ZBTB8B: variants seen among roughly 807,000 people sequenced by gnomAD.
ZBTB8B encodes zinc finger and BTB domain-containing protein 8B.
A neutral mutation model predicts 30.3 loss-of-function variants in ZBTB8B; 17 were observed. The observed-to-expected ratio is 0.56, with a 90% CI of 0.38 to 0.84. The LOEUF (loss-of-function observed/expected upper bound fraction) is 0.84. ZBTB8B is among the 40% of genes least tolerant of loss of function. The probability of loss-of-function intolerance (pLI) is 0.00; values close to 1 mark genes in which losing one functional copy is unlikely to be tolerated. For synonymous variants in ZBTB8B, 248 were observed against 255.6 expected, an observed-to-expected ratio of 0.97 and a Z score of 0.28; for missense variants, 515 against 644.9, an observed-to-expected ratio of 0.80 and a Z score of 2.18.
intron 1 of ZBTB8B, among the ~76,000 whole-genome samples, chr1:32,467,884 G>A (rs1426487846): frequency 6.6e-6 from 1 of 151,916 alleles, no homozygotes; most frequent in Admixed American, 6.6e-5. Flanking sequence ...AGGCTGAGGG[G>A]GGCAGATCAC....
chr1:32,465,543 G>A lies in ZBTB8B; in HGVS notation c.-42+438G>A, dbSNP rs1010055855. ...GCTGGTTCTGGTGGCCTCTCTGCAGGTCGTCTGATGCTGGACGGGGGAGGG... is the reference window on the plus strand; with the variant it reads ...GCTGGTTCTGGTGGCCTCTCTGCAGATCGTCTGATGCTGGACGGGGGAGGG... On this transcript the variant is annotated intron_variant, in intron 1 of 3. Coordinates refer to ENST00000609129, the MANE Select transcript of ZBTB8B (RefSeq NM_001145720.2). This position sits in a 1 kb window ranked among gnomAD's most constrained non-coding sequence, Gnocchi z 4.1. Among the ~76,000 whole-genome samples the A allele has an allele frequency of 3.3e-5, 5 of 152,244 alleles. No individual in the cohort carries two copies. The highest frequency in any genetic ancestry group is 1.3e-4 in the Admixed American group (2 of 15,292).
At chr1:32,474,067 A>G (rs202052668) in intron 2 of ZBTB8B, among the ~76,000 whole-genome samples, 1 of 148,868 alleles carries the variant, frequency 6.7e-6, no homozygotes, top group South Asian at 2.1e-4. Context: ...GCCAGGCTGG[A>G]CTCGAACTAC....
chr1:32,478,170 T>C (rs932679396), intron 2 of ZBTB8B, among the ~76,000 whole-genome samples: 1 of 150,426 alleles, frequency 6.6e-6, no homozygotes, highest in Admixed American at 6.6e-5. Flanking sequence ...CAGTGAGCCA[T>C]GATCATGCCA....
Position 32,478,517 on chromosome 1 carries a change from A to G in ZBTB8B, c.992-2374A>G, listed in dbSNP as rs530198704. On this transcript the variant is annotated intron_variant, in intron 2 of 3. Transcript: ENST00000609129. ...ACAGAGTGAGACTCCATCTCAGGAA[A>G]AAAAAATAATAATAGTAATAATTCC... 5.3e-5 allele frequency among the ~76,000 whole-genome samples: 8 copies of G among 152,290 alleles called. 1 individual carries two copies. The highest frequency in any genetic ancestry group is 1.9e-4 in the African/African-American group (8 of 41,548).
chr1:32,472,249 G>A (rs1281392027), intron 2 of ZBTB8B, among the ~76,000 whole-genome samples: 2 of 152,234 alleles, frequency 1.3e-5, no homozygotes, highest in Non-Finnish European at 2.9e-5. Flanking sequence ...GGGGCAGTTT[G>A]GAGACATGGG....
chr1:32,475,536 A>C (rs1042471559), intron 2 of ZBTB8B, among the ~76,000 whole-genome samples: 1 of 152,190 alleles, frequency 6.6e-6, no homozygotes, highest in Admixed American at 6.5e-5. Context: ...CAGTGAGCCA[A>C]GATCACACCA....
In ZBTB8B at chr1:32,492,622, C is replaced by T. The variant is rs1037985624; in HGVS notation, c.*7204C>T. On this transcript the variant is annotated 3_prime_UTR_variant, in exon 4 of 4. Coordinates refer to ENST00000609129, the MANE Select transcript of ZBTB8B (RefSeq NM_001145720.2). ...GCTCTTGGAAACCGTGCCTCTTATTCCTGTGTCATGTGGTGCTACTCTTGC... is the reference window on the plus strand; with the variant it reads ...GCTCTTGGAAACCGTGCCTCTTATTTCTGTGTCATGTGGTGCTACTCTTGC... The T allele has an allele frequency of 2.6e-5, 4 of 152,240 alleles. No homozygotes were observed. The highest frequency in any genetic ancestry group is 6.6e-5 in the Admixed American group (1 of 15,250). 9.4% of individuals were successfully genotyped at this position (152,240 alleles called of 1,614,324 possible).
chr1:32,471,712 C>A, intron 2 of ZBTB8B, 97 bp downstream of exon 2: 2 of 1,325,438 alleles, frequency 1.5e-6, no homozygotes, highest in East Asian at 2.5e-5. Context: ...TCACCATCAT[C>A]ATTGTCACTA....
intron 2 of ZBTB8B, among the ~76,000 whole-genome samples, chr1:32,477,030 C>T (rs951519855): frequency 2.0e-5 from 3 of 152,056 alleles, no homozygotes; most frequent in African/African-American, 7.3e-5. Context: ...CCACTTCATA[C>T]TTCATATTCT....
chr1:32,472,588 C>T (rs781372813), intron 2 of ZBTB8B, among the ~76,000 whole-genome samples: 7 of 152,006 alleles, frequency 4.6e-5, no homozygotes, highest in Non-Finnish European at 1.0e-4. Context: ...CTTGATGATG[C>T]CATCTACTTG....
chr1:32,482,363 A>T (rs1273480251), intron 3 of ZBTB8B, among the ~76,000 whole-genome samples: 1 of 152,056 alleles, frequency 6.6e-6, no homozygotes, highest in Non-Finnish European at 1.5e-5. Context: ...TTTGATCTTC[A>T]ATGGACGCTC....
At position 32,470,682 on chromosome 1, in the gene ZBTB8B, A is replaced by T. The variant is rs547891816; in HGVS notation, c.58A>T (p.Arg20Trp). 3 of 1,551,538 alleles carry T rather than the reference A, an allele frequency of 1.9e-6. No individual in the cohort carries two copies. The African/African-American group carries it at 4.1e-5, about 21-fold the overall frequency. Residue 20 changes from arginine to tryptophan, a missense_variant, in exon 2 of 4, where the codon AGG becomes TGG. By Grantham distance (101) the Arg-to-Trp change is moderately radical (BLOSUM62 -3). This residue lies in a region of ZBTB8B where 25 missense variants were observed against 22.9 expected (regional missense o/e 1.09). Transcript: ENST00000609129. ...LLGELNEQRK[R>W]DFFCDCSIIV... ...GGGGGAGCTGAATGAACAGAGAAAG[A>T]GGGACTTTTTCTGTGACTGCAGCAT...
chr1:32,481,045 GCACC>G lies in ZBTB8B; in HGVS notation c.1147_1150del (p.His383CysfsTer6). ...GCGGCAAGAGGTTCACTCGACAAGA[GCACC>G]TGCGGAGCCACGCACTGAGTGTAAG... On this transcript the variant is annotated frameshift_variant, in exon 3 of 4. Transcript: ENST00000609129. LOFTEE classifies it high-confidence loss of function. The G allele has an allele frequency of 6.4e-7, 1 of 1,551,742 alleles. No homozygotes were observed. Among genetic ancestry groups the G allele is most frequent in the Non-Finnish European group, 8.7e-7 (1 of 1,146,976 alleles).
intron 2 of ZBTB8B, among the ~76,000 whole-genome samples, chr1:32,474,005 C>G (rs960285550): frequency 4.2e-4 from 64 of 151,888 alleles, no homozygotes; most frequent in African/African-American, 1.4e-3. Context: ...CACGTGCCAC[C>G]ATGCCTGGCT....
intron 1 of ZBTB8B, among the ~76,000 whole-genome samples, chr1:32,466,847 C>T (rs1328105149): frequency 6.6e-6 from 1 of 152,140 alleles, no homozygotes; most frequent in African/African-American, 2.4e-5. Context: ...ATCTACCTGG[C>T]TTACCAACTC....
intron 1 of ZBTB8B, among the ~76,000 whole-genome samples, chr1:32,466,388 C>T (rs1643570444): frequency 2.0e-5 from 3 of 152,254 alleles, no homozygotes; most frequent in African/African-American, 7.2e-5. Context: ...TTGTATGTAG[C>T]CGGTAACCGT....
rs1265094780 is a variant in ZBTB8B, at chr1:32,468,862, A to G, written c.-41-1722A>G. On this transcript the variant is annotated intron_variant, in intron 1 of 3. Coordinates refer to ENST00000609129, the MANE Select transcript of ZBTB8B (RefSeq NM_001145720.2). ...GGCGAGAGAGGGAGAATCTGTCTCA[A>G]AAAAAAAAAAAGACCAGTCTCAAAG... Among the ~76,000 whole-genome samples, 41 of 147,428 alleles carry G rather than the reference A, an allele frequency of 2.8e-4. No individual in the cohort carries two copies. The Admixed American group carries it at 2.8e-3, about 10-fold the overall frequency.
rs1643737075 is a variant in ZBTB8B at position 32,485,327 on chromosome 1, A to T, written c.1397A>T (p.Glu466Val). The T allele has an allele frequency of 1.3e-6, 2 of 1,552,294 alleles. No homozygotes were observed. The highest frequency in any genetic ancestry group is 1.4e-5 in the African/African-American group (1 of 73,164). The change falls in exon 4 of 4, where the codon GAG (glutamate) becomes GTG (valine). Residue 466 changes from glutamate to valine, a missense_variant. Glu to Val is a moderately radical substitution (Grantham distance 121). Coordinates refer to ENST00000609129, the MANE Select transcript of ZBTB8B (RefSeq NM_001145720.2). ...GACAATGACTGGCCAATCTATGTGG[A>T]GTCGGGTGAGGAAAATGACCCTGCT... ...DTDNDWPIYV[E>V]SGEENDPAGD...
intron 1 of ZBTB8B, among the ~76,000 whole-genome samples, chr1:32,466,514 C>T (rs1026816730): frequency 6.6e-6 from 1 of 152,078 alleles, no homozygotes; most frequent in Admixed American, 6.6e-5. Context: ...TGGTGATCCT[C>T]AGCACTTCCC....
Sources: gnomAD v4.1 joint callset for allele counts (sites outside exome capture counted in the v4.1 genomes callset) on GRCh38, gnomAD v4.1.1 for gene constraint, gnomAD v4.1.1 regional missense constraint, Gnocchi (gnomAD v3.1) non-coding constraint, MANE v1.5 for transcripts, NCBI Gene and HGNC (gene_info 2026-07-23, HGNC 2026-07-21) for gene names.